TBC1D23: variants seen among roughly 807,000 people sequenced by gnomAD.
TBC1D23 encodes TBC1 domain family member 23, also known as HCV non-structural protein 4A-transactivated protein 1.
TBC1D23 carries 55 observed loss-of-function variants against 91.4 expected under a neutral mutation model. That is an observed-to-expected ratio of 0.60 (90% CI 0.48 to 0.75). TBC1D23 has a LOEUF of 0.75. Among genes scored for constraint, TBC1D23 ranks in the 30% least tolerant of loss-of-function variants. TBC1D23 has a pLI of 0.00. For synonymous variants in TBC1D23, 289 were observed against 281.0 expected (o/e 1.03, Z -0.28); for missense variants, 725 against 836.1 (o/e 0.87, Z 1.64).
At chr3:100,261,327 C>T in intron 1 of TBC1D23, 1 of 543,352 alleles carries the variant, frequency 1.8e-6, no homozygotes, top group Non-Finnish European at 3.3e-6. Flanking sequence ...CCTGTGTCGT[C>T]TGTCAGTCTC....
chr3:100,309,610 C>CTTTTTTTTTTTTTTTTTTTTTT (rs71132518), intron 13 of TBC1D23, among the ~76,000 whole-genome samples: 1 of 116,124 alleles, frequency 8.6e-6, no homozygotes, highest in African/African-American at 3.2e-5. Context: ...ATTCTACCTT[C>CTTTTTTTTTTTTTTTTTTTTTT]TTTTTTTTTT....
At chr3:100,323,471 A>G in intron 18 of TBC1D23, 116 bp from the exon 19 acceptor site, 1 of 374,818 alleles carries the variant, frequency 2.7e-6, no homozygotes, top group Non-Finnish European at 4.3e-6. Flanking sequence ...GGTTAGGGAA[A>G]GCTTCCCATT....
chr3:100,288,242 T>TA (rs57164675), intron 4 of TBC1D23, among the ~76,000 whole-genome samples: 17,499 of 139,266 alleles, frequency 0.13, 2,132 homozygotes, highest in East Asian at 0.37. Context: ...AGACCCTGTC[T>TA]AAAAAAAAAA....
chr3:100,308,341 G>T (rs1047809019), intron 13 of TBC1D23, among the ~76,000 whole-genome samples: 3 of 152,106 alleles, frequency 2.0e-5, no homozygotes, highest in Admixed American at 6.6e-5. Flanking sequence ...CGGGCGTGGT[G>T]GCAGGCGCCT....
At chr3:100,289,230 A>G (rs1181479914) in intron 4 of TBC1D23, among the ~76,000 whole-genome samples, 1 of 152,110 alleles carries the variant, frequency 6.6e-6, no homozygotes, top group Non-Finnish European at 1.5e-5. Flanking sequence ...AACAAAACAA[A>G]AAAAACCCAA....
rs374149032 is a variant in TBC1D23, at chr3:100,319,190, A to G, written c.1809A>G (p.Gly603=). ...CTTGTAAAGAAGTAAAAGAAAGTGGACACATGTTTCCCAGGTACTTTTAAA... is the reference window on the plus strand; with the variant it reads ...CTTGTAAAGAAGTAAAAGAAAGTGGGCACATGTTTCCCAGGTACTTTTAAA... ...HFPCKEVKES[G]HMFPSHLLVT... The change falls in exon 17 of 19, where the codon GGA becomes GGG. Residue 603 remains glycine (G), a synonymous_variant. Transcript: ENST00000394144. The G allele has an allele frequency of 2.5e-6, 4 of 1,605,090 alleles. No individual in the cohort carries two copies. The African/African-American group carries it at 5.4e-5, about 22-fold the overall frequency.
At chr3:100,319,799 A>G (rs1280587260) in intron 17 of TBC1D23, among the ~76,000 whole-genome samples, 1 of 152,100 alleles carries the variant, frequency 6.6e-6, no homozygotes, top group Admixed American at 6.5e-5. Context: ...ATATATACAT[A>G]TGCATGTATA....
Position 100,296,366 on chromosome 3 carries a change from C to A in TBC1D23, c.876+91C>A, listed in dbSNP as rs2148862089. 4 of 737,964 alleles carry A rather than the reference C, an allele frequency of 5.4e-6. No individual in the cohort carries two copies. The South Asian group carries it at 9.2e-5, about 17-fold the overall frequency. 45.7% of individuals were successfully genotyped at this position (737,964 alleles called of 1,614,324 possible). ...ATTCACTTTAGTTAAAATAGGTTGT[C>A]AATTTTTTCTGTTTCTTTATGTGTT... On this transcript the variant is annotated intron_variant, in intron 8 of 18. Transcript: ENST00000394144.
chr3:100,295,387 CTT>C lies in TBC1D23; in HGVS notation c.772+41_772+42del, dbSNP rs749588578. Reference sequence around the variant, plus strand: ...AATGTAGTGAAAACATTTCAGGTCTCTTTATCTGTGTAAGTTACTCAGTTTCC... The same window carrying C: ...AATGTAGTGAAAACATTTCAGGTCTCTATCTGTGTAAGTTACTCAGTTTCC... On this transcript the variant is annotated intron_variant, in intron 7 of 18. Transcript: ENST00000394144. 9 of 1,528,342 alleles carry C rather than the reference CTT, an allele frequency of 5.9e-6. No individual in the cohort carries two copies. In the African/African-American group the frequency reaches 6.9e-5, roughly 12 times the overall value. The allele number at this position is 1,528,342 out of a possible 1,614,324, so 94.7% of individuals were successfully genotyped here.
intron 9 of TBC1D23, among the ~76,000 whole-genome samples, chr3:100,298,416 G>A (rs921228457): frequency 6.6e-6 from 1 of 152,158 alleles, no homozygotes; most frequent in African/African-American, 2.4e-5. Context: ...ACATGGTTTA[G>A]TTCCATACAA....
At position 100,297,927 on chromosome 3, in the gene TBC1D23, A is replaced by C. The variant is rs779999858; in HGVS notation, c.881A>C (p.Asn294Thr). ...TAAAAATTTCCCTTCAAACAGGATA[A>C]TCACCATCTCTTTGGTAGTACTTTG... ...SKTPASFRKD[N>T]HHLFGSTLLG... Residue 294 changes from asparagine to threonine, a missense_variant, in exon 9 of 19, where the codon AAT becomes ACT. Asn to Thr is a moderately conservative substitution (Grantham distance 65). Transcript: ENST00000394144. 2.0e-5 allele frequency: 32 copies of C among 1,607,950 alleles called. 1 individual carries two copies. Among genetic ancestry groups the C allele is most frequent in the Non-Finnish European group, 2.6e-5 (31 of 1,176,326 alleles).
At chr3:100,308,950 G>A (rs752723783) in intron 13 of TBC1D23, among the ~76,000 whole-genome samples, 1 of 152,228 alleles carries the variant, frequency 6.6e-6, no homozygotes, top group East Asian at 1.9e-4. Flanking sequence ...GCCATGCATG[G>A]TGGCTCATGC....
At chr3:100,300,447 C>T (rs894433646) in intron 10 of TBC1D23, among the ~76,000 whole-genome samples, 10 of 151,544 alleles carry the variant, frequency 6.6e-5, no homozygotes, top group Non-Finnish European at 1.3e-4. Flanking sequence ...TGATTCCTCT[C>T]TCCTTCCTAT....
intron 10 of TBC1D23, among the ~76,000 whole-genome samples, chr3:100,300,333 TGAA>T (rs2148863995): frequency 6.6e-6 from 1 of 152,138 alleles, no homozygotes; most frequent in Non-Finnish European, 1.5e-5. Flanking sequence ...AAAGGGTGTG[TGAA>T]AGGGCCTAGG....
At chr3:100,297,260 T>G (rs1705316532) in intron 8 of TBC1D23, among the ~76,000 whole-genome samples, 1 of 152,180 alleles carries the variant, frequency 6.6e-6, no homozygotes, top group Non-Finnish European at 1.5e-5. Flanking sequence ...TTAAGTTATG[T>G]TTAGTATACT....
chr3:100,283,932 G>A, intron 4 of TBC1D23, 121 bp downstream of exon 4: 2 of 587,730 alleles, frequency 3.4e-6, no homozygotes, highest in South Asian at 4.9e-5. Flanking sequence ...TTTGAGGATT[G>A]TTTGATCCAT....
In TBC1D23 at chr3:100,306,421, T is replaced by C. The variant is rs1202620589; in HGVS notation, c.1307-16T>C. 3 of 1,498,968 alleles carry C rather than the reference T, an allele frequency of 2.0e-6. No individual in the cohort carries two copies. The African/African-American group carries it at 4.2e-5, about 21-fold the overall frequency. The allele number at this position is 1,498,968 out of a possible 1,614,324, so 92.9% of individuals were successfully genotyped here. Reference sequence around the variant, plus strand: ...TGATATTTTAGGTTTTTCTTTTTTTTTTAATTTATCTTAAGCACTGCAGCA... The same window carrying C: ...TGATATTTTAGGTTTTTCTTTTTTTCTTAATTTATCTTAAGCACTGCAGCA... On this transcript the variant is annotated splice_polypyrimidine_tract_variant and intron_variant, in intron 12 of 18. Transcript: ENST00000394144.
rs183242909 is a variant in TBC1D23, at chr3:100,270,282, A to C, written c.53+9211A>C. Among the ~76,000 whole-genome samples, 3 of 152,350 alleles carry C rather than the reference A, an allele frequency of 2.0e-5. No homozygotes were observed. The East Asian group carries it at 5.8e-4, about 29-fold the overall frequency. On this transcript the variant is annotated intron_variant, in intron 1 of 18. Coordinates refer to ENST00000394144, the MANE Select transcript of TBC1D23 (RefSeq NM_001199198.3). ...ATGTCAGGGAAGGAAATAATTCAGT[A>C]TATGGGTTAGGAAAGCAGAGGAAAA...
In TBC1D23 at chr3:100,261,070, T is replaced by A. The variant is rs1169393056; in HGVS notation, c.52T>A (p.Trp18Arg). ...GCTGCCAACGTCGAGCGGCGACGGC[T>A]GGTGAGTGAAAGCCGGGGCTAATTT... is the stretch of plus-strand genomic sequence containing the variant. ...PPLPTSSGDG[W>R]EKDLEEALEA... Residue 18 changes from tryptophan to arginine, a missense_variant and splice_region_variant, in exon 1 of 19, where the codon TGG (tryptophan) becomes AGG (arginine). Coordinates refer to ENST00000394144, the MANE Select transcript of TBC1D23 (RefSeq NM_001199198.3). 1 of 1,613,698 alleles carries A rather than the reference T, an allele frequency of 6.2e-7. No individual in the cohort carries two copies. Among genetic ancestry groups the A allele is most frequent in the South Asian group, 1.1e-5 (1 of 91,058 alleles).
Sources: allele counts gnomAD v4.1 joint callset (sites outside exome capture counted in the v4.1 genomes callset), GRCh38; gene constraint gnomAD v4.1.1; transcripts MANE v1.5; gene names NCBI Gene and HGNC (gene_info 2026-07-23, HGNC 2026-07-21).